Variants in GLIS3 observed in about 807,000 individuals in gnomAD.
GLIS3 encodes zinc finger protein GLIS3.
Under a neutral mutation model 78.6 loss-of-function variants are expected in GLIS3, and 53 were observed. That is an observed-to-expected ratio of 0.67 (90% CI 0.54 to 0.85). GLIS3 has a LOEUF of 0.85. GLIS3 is among the 40% of genes least tolerant of loss of function. The pLI, the probability that GLIS3 is intolerant of heterozygous loss-of-function variation, is 0.00. For synonymous variants in GLIS3, 684 were observed against 509.9 expected (o/e 1.34, Z -4.60); for missense variants, 1,703 against 1,231.1 (o/e 1.38, Z -5.74).
intron 2 of GLIS3, among the ~76,000 whole-genome samples, chr9:4,232,408 A>C (rs1375694876): frequency 9.3e-5 from 13 of 139,982 alleles, no homozygotes; most frequent in African/African-American, 3.4e-4. Context: ...AAAAGAAAAG[A>C]AAAAAAAAGA....
intron 9 of GLIS3, among the ~76,000 whole-genome samples, chr9:3,840,028 A>G (rs1215279702): frequency 1.3e-5 from 2 of 152,174 alleles, no homozygotes; most frequent in Non-Finnish European, 2.9e-5. Flanking sequence ...CAGATGACCC[A>G]TTAACGAATT....
At chr9:4,324,786 T>G (rs1817578602) in intron 2 of GLIS3, among the ~76,000 whole-genome samples, 1 of 152,232 alleles carries the variant, frequency 6.6e-6, no homozygotes, top group South Asian at 2.1e-4. Context: ...TCATTTCATT[T>G]GTTTTGGCTC....
At chr9:4,129,132 C>T (rs567409519) in intron 2 of GLIS3, among the ~76,000 whole-genome samples, 1 of 152,314 alleles carries the variant, frequency 6.6e-6, no homozygotes, top group Admixed American at 6.5e-5. Flanking sequence ...TCAATACAGC[C>T]ATCTAAGTGT....
chr9:4,047,451 T>G (rs1000834916), intron 4 of GLIS3, among the ~76,000 whole-genome samples: 5 of 152,210 alleles, frequency 3.3e-5, no homozygotes, highest in African/African-American at 1.2e-4. Context: ...AGACCCATAT[T>G]CTAATTCTGT....
At chr9:4,293,449 C>T (rs1449705018) in intron 1 of GLIS3, among the ~76,000 whole-genome samples, 3 of 152,190 alleles carry the variant, frequency 2.0e-5, no homozygotes, top group Admixed American at 2.0e-4. Flanking sequence ...GAAGTATGAA[C>T]ATCCACAACA....
chr9:4,379,626 C>T, the GLIS3 span, among the ~76,000 whole-genome samples: 1 of 152,214 alleles, frequency 6.6e-6, no homozygotes. Flanking sequence ...TTGTTTTCTG[C>T]TGTTTCAGTG....
Position 4,323,442 on chromosome 9 carries a change from G to A in GLIS3, n.265-12914C>T, listed in dbSNP as rs72692063. ...ACCCAATGTTATGTTGTCTGTATTC[G>A]TCCATGTAGCTGTGTGTAGCAGGGA... On this transcript the variant is annotated intron_variant and non_coding_transcript_variant, in intron 2 of 4. Coordinates refer to the GLIS3 transcript ENST00000471664. 7.5e-3 allele frequency among the ~76,000 whole-genome samples: 1,139 copies of A among 152,124 alleles called. 8 individuals are homozygous for A. The highest frequency in any genetic ancestry group is 0.012 in the Non-Finnish European group (802 of 68,004).
chr9:4,407,757 T>A, the GLIS3 span, among the ~76,000 whole-genome samples: 2 of 152,128 alleles, frequency 1.3e-5, no homozygotes, highest in East Asian at 3.8e-4. Context: ...AGCAGAAATG[T>A]ACACATAGAA....
At chr9:4,140,956 G>A (rs59534568) in intron 2 of GLIS3, among the ~76,000 whole-genome samples, 1,750 of 152,168 alleles carry the variant, frequency 0.012, 30 homozygotes, top group African/African-American at 0.04. Context: ...GTGCCACCAC[G>A]CTCAGCTAAT....
At chr9:3,837,976 G>A (rs145797992) in intron 9 of GLIS3, among the ~76,000 whole-genome samples, 42 of 151,728 alleles carry the variant, frequency 2.8e-4, no homozygotes, top group Non-Finnish European at 5.6e-4. Flanking sequence ...TGTTGGTAGT[G>A]GGAGAGATTG....
chr9:4,091,493 G>C (rs1829497682), intron 4 of GLIS3, among the ~76,000 whole-genome samples: 1 of 151,932 alleles, frequency 6.6e-6, no homozygotes, highest in Admixed American at 6.6e-5. Flanking sequence ...CTTACCATAA[G>C]TCAGGCACTT....
At chr9:4,081,783 A>T (rs1467456526) in intron 4 of GLIS3, among the ~76,000 whole-genome samples, 3 of 152,190 alleles carry the variant, frequency 2.0e-5, no homozygotes, top group African/African-American at 4.8e-5. Context: ...TCTATCATAA[A>T]TTAGCCACCA....
At chr9:4,355,618 T>C in the GLIS3 span, among the ~76,000 whole-genome samples, 3 of 152,120 alleles carry the variant, frequency 2.0e-5, no homozygotes, top group African/African-American at 7.2e-5. Flanking sequence ...AAGACAAGCT[T>C]TATCACCTTT....
intron 9 of GLIS3, among the ~76,000 whole-genome samples, chr9:3,851,183 ATGATCCATTAGTCCAG>A (rs2130180302): frequency 6.6e-6 from 1 of 152,336 alleles, no homozygotes; most frequent in Non-Finnish European, 1.5e-5. Flanking sequence ...TTAGAAAGAA[ATGATCCATTAGTCCAG>A]TAACAAAATG....
intron 1 of GLIS3, among the ~76,000 whole-genome samples, chr9:4,287,707 A>T (rs1459296534): frequency 6.6e-6 from 1 of 152,178 alleles, no homozygotes; most frequent in African/African-American, 2.4e-5. Flanking sequence ...AACATTTTTC[A>T]ACTCAACTTC....
intron 4 of GLIS3, among the ~76,000 whole-genome samples, chr9:4,112,704 G>C (rs1416722323): frequency 6.6e-6 from 1 of 152,046 alleles, no homozygotes; most frequent in Non-Finnish European, 1.5e-5. Context: ...AAAATGATAT[G>C]GGTGGAAAGA....
At chr9:3,921,148 C>T (rs1824863399) in intron 6 of GLIS3, among the ~76,000 whole-genome samples, 1 of 152,172 alleles carries the variant, frequency 6.6e-6, no homozygotes, top group Admixed American at 6.5e-5. Context: ...GTGTGTAGTA[C>T]AACAGCTGCC....
intron 8 of GLIS3, among the ~76,000 whole-genome samples, chr9:3,868,169 A>G (rs928989803): frequency 6.6e-6 from 1 of 151,958 alleles, no homozygotes; most frequent in African/African-American, 2.4e-5. Context: ...TGTGTCAGAA[A>G]CTCTCTTAAT....
intron 6 of GLIS3, among the ~76,000 whole-genome samples, chr9:3,899,202 T>G (rs1417088002): frequency 3.9e-5 from 6 of 152,208 alleles, no homozygotes; most frequent in Non-Finnish European, 2.9e-5. Context: ...AAAGTGCTTT[T>G]AAAATAGAAA....
Sources: allele counts gnomAD v4.1 joint callset (sites outside exome capture counted in the v4.1 genomes callset), GRCh38; gene constraint gnomAD v4.1.1; transcripts MANE v1.5; gene names NCBI Gene and HGNC (gene_info 2026-07-23, HGNC 2026-07-21).